The following TUBB8 variants were observed in gnomAD, a reference collection of about 807,000 sequenced individuals.
TUBB8 encodes the protein tubulin beta-8 chain.
A neutral mutation model predicts 33.7 loss-of-function variants in TUBB8; 25 were observed. The ratio of observed to expected loss-of-function variants is 0.74; its 90% CI spans 0.54 to 1.04. TUBB8 has a LOEUF of 1.04. Ranked by LOEUF, TUBB8 falls within the 50% of genes least tolerant of loss-of-function variation. The probability of loss-of-function intolerance (pLI) is 0.00; values close to 1 mark genes in which losing one functional copy is unlikely to be tolerated. For synonymous variants in TUBB8, 245 were observed against 240.1 expected, an observed-to-expected ratio of 1.02 and a Z score of -0.19; for missense variants, 279 against 608.0, an observed-to-expected ratio of 0.46 and a Z score of 5.69.
At chr10:50,590 C>CGT (rs1243444591), upstream of TUBB8, among the ~76,000 whole-genome samples, 2 of 152,208 alleles carry the variant, frequency 1.3e-5, no homozygotes, top group Admixed American at 6.5e-5. Flanking sequence ...AAGCAGCACT[C>CGT]TAACAAGCTC....
chr10:64,805 A>C (rs1472814051), intron 1 of TUBB8, among the ~76,000 whole-genome samples: 1 of 152,156 alleles, frequency 6.6e-6, no homozygotes, highest in African/African-American at 2.4e-5. Context: ...CTAATACTGA[A>C]GGAAGTGCCA....
rs1311903958 is a variant in TUBB8, at chr10:47,810, T to A, written c.582A>T (p.Glu194Asp). The A allele has an allele frequency of 2.5e-6, 4 of 1,614,124 alleles. No individual in the cohort carries two copies. The highest frequency in any genetic ancestry group is 3.4e-6 in the Non-Finnish European group (4 of 1,180,046). The change falls in exon 4 of 4, where the codon GAA becomes GAT. Residue 194 changes from glutamate (E) to aspartate (D), a missense_variant. Coordinates refer to ENST00000568584, the MANE Select transcript of TUBB8 (RefSeq NM_177987.3). Reference protein sequence around the residue: ...NATLSVHQLIENADETFCIDN... With the variant: ...NATLSVHQLIDNADETFCIDN... ...CTATGCAAAAGGTCTCATCTGCGTT[T>A]TCTATGAGCTGGTGGACTGAGAGGG...
intron 3 of TUBB8, 111 bp downstream of exon 3, chr10:48,504 G>C (rs537116652): frequency 9.8e-7 from 1 of 1,021,192 alleles, no homozygotes; most frequent in South Asian, 1.3e-5. Context: ...AGGATAGGAG[G>C]GTGTTCAGGG....
rs41288741 is a variant in TUBB8 at position 47,630 on chromosome 10, G to C, written c.762C>G (p.Ala254=). 11,576 of 1,610,566 alleles carry C rather than the reference G, an allele frequency of 7.2e-3. 33 individuals carry two copies. The highest frequency in any genetic ancestry group is 9.5e-3 in the Middle Eastern group (43 of 4,520). Residue 254 remains alanine, a synonymous_variant, in exon 4 of 4, where the codon GCC becomes GCG. Coordinates refer to ENST00000568584, the MANE Select transcript of TUBB8 (RefSeq NM_177987.3). ...GCCGGGGAAACGGGACCATGTTCAC[G>C]GCCAGCTTCCGCAGGTCAGCATTCA... is the stretch of plus-strand genomic sequence containing the variant. ...GQLNADLRKL[A]VNMVPFPRLH...
At chr10:75,464 G>T (rs1834799106), upstream of TUBB8, among the ~76,000 whole-genome samples, 1 of 151,434 alleles carries the variant, frequency 6.6e-6, no homozygotes, top group South Asian at 2.1e-4. Context: ...AGACCAGCCT[G>T]GCCCACATGA....
upstream of TUBB8, among the ~76,000 whole-genome samples, chr10:75,017 G>A (rs1164344515): frequency 6.6e-6 from 1 of 151,676 alleles, no homozygotes; most frequent in African/African-American, 2.4e-5. Flanking sequence ...TGGGATTACA[G>A]GTGCGCGCCA....
Position 71,148 on chromosome 10 carries a change from C to A in TUBB8, c.-846+2821G>T, listed in dbSNP as rs190733991. Among the ~76,000 whole-genome samples the A allele has an allele frequency of 1.6e-3, 243 of 152,078 alleles. 1 individual carries two copies. Among genetic ancestry groups the A allele is most frequent in the Non-Finnish European group, 2.5e-3 (168 of 68,002 alleles). ...CCAGCATGGTGAAACCCCGCCTCTA[C>A]TAAAAACACACAAAAAATTACCCAG... On this transcript the variant is annotated intron_variant, in intron 1 of 3. Coordinates refer to the TUBB8 transcript ENST00000564130.
chr10:64,975 TAAAA>T (rs61340461), intron 1 of TUBB8, among the ~76,000 whole-genome samples: 749 of 118,520 alleles, frequency 6.3e-3, no homozygotes, highest in African/African-American at 0.015. Context: ...CCATCTCCAC[TAAAA>T]AAAAAAAAAA....
chr10:70,080 G>T, intron 1 of TUBB8, among the ~76,000 whole-genome samples: 1 of 152,182 alleles, frequency 6.6e-6, no homozygotes, highest in Non-Finnish European at 1.5e-5. Context: ...TTACTGGAGA[G>T]CCAAGAAACT....
intron 1 of TUBB8, among the ~76,000 whole-genome samples, chr10:56,308 T>A (rs1554740151): frequency 1.3e-5 from 2 of 152,236 alleles, no homozygotes; most frequent in Non-Finnish European, 2.9e-5. Context: ...ATCCTACTGA[T>A]TTGTACATGT....
intron 1 of TUBB8, among the ~76,000 whole-genome samples, chr10:55,266 A>C (rs1834516193): frequency 6.6e-6 from 1 of 152,204 alleles, no homozygotes; most frequent in South Asian, 2.1e-4. Flanking sequence ...TCAGAAGAAC[A>C]ACCTGGAGGG....
At chr10:56,596 C>T (rs1367188158) in intron 1 of TUBB8, among the ~76,000 whole-genome samples, 4 of 150,022 alleles carry the variant, frequency 2.7e-5, no homozygotes, top group African/African-American at 7.6e-5. Context: ...AAGTGCTACG[C>T]ACTTGTAGAT....
At chr10:54,367 ACT>A (rs1834504307) in intron 1 of TUBB8, among the ~76,000 whole-genome samples, 1 of 151,198 alleles carries the variant, frequency 6.6e-6, no homozygotes, top group African/African-American at 2.4e-5. Flanking sequence ...CAAATGACAG[ACT>A]CTCATTCTTT....
chr10:66,934 C>T (rs1182121174), intron 1 of TUBB8, among the ~76,000 whole-genome samples: 2 of 152,150 alleles, frequency 1.3e-5, no homozygotes, highest in East Asian at 1.9e-4. Flanking sequence ...GATTGTGCCA[C>T]AGTACTCCAG....
chr10:48,018 T>G lies in TUBB8; in HGVS notation c.374A>C (p.Glu125Ala). Residue 125 changes from glutamate to alanine, a missense_variant, in exon 4 of 4, where the codon GAG (glutamate) becomes GCG (alanine). Glu to Ala is a moderately radical substitution (Grantham distance 107). Around this residue, in one of 4 missense-constraint regions of TUBB8, gnomAD observed 96 missense variants for 233.7 expected, o/e 0.41. Transcript: ENST00000568584. ...GAAACCCTGCAGGCAGTCACAGCTC[T>G]CAGCCTCCTTTCTGACAACGTCCAT... ...SVMDVVRKEAESCDCLQGFQL... is the reference protein window; with the variant it reads ...SVMDVVRKEAASCDCLQGFQL... 6.8e-6 allele frequency: 11 copies of G among 1,613,968 alleles called. No homozygotes were observed. The highest frequency in any genetic ancestry group is 8.5e-6 in the Non-Finnish European group (10 of 1,179,970).
chr10:54,844 C>T (rs1336530344), intron 1 of TUBB8, among the ~76,000 whole-genome samples: 1 of 152,154 alleles, frequency 6.6e-6, no homozygotes, highest in Non-Finnish European at 1.5e-5. Flanking sequence ...CTGCAACCTC[C>T]ACCTCCTGGG....
At chr10:75,750 C>T (rs1554743108), upstream of TUBB8, among the ~76,000 whole-genome samples, 2 of 152,016 alleles carry the variant, frequency 1.3e-5, no homozygotes, top group African/African-American at 2.4e-5. Context: ...GGGTCTCGCC[C>T]TGTCGCCCAG....
chr10:55,479 C>T (rs540757099), intron 1 of TUBB8, among the ~76,000 whole-genome samples: 1 of 152,286 alleles, frequency 6.6e-6, no homozygotes, highest in East Asian at 1.9e-4. Flanking sequence ...TTTAAAAAAG[C>T]TTTCTGACCT....
chr10:72,520 T>G (rs1834750742), intron 1 of TUBB8, among the ~76,000 whole-genome samples: 1 of 152,156 alleles, frequency 6.6e-6, no homozygotes. Context: ...ATCGCGCCAC[T>G]GCAGTCCAGC....
Sources: gnomAD v4.1 joint callset for allele counts (sites outside exome capture counted in the v4.1 genomes callset) on GRCh38, gnomAD v4.1.1 for gene constraint, gnomAD v4.1.1 regional missense constraint, MANE v1.5 for transcripts, NCBI Gene and HGNC (gene_info 2026-07-23, HGNC 2026-07-21) for gene names.